EIF4E: variants seen among roughly 807,000 people sequenced by gnomAD.
EIF4E encodes eukaryotic translation initiation factor 4E.
For synonymous variants in EIF4E, 71 were observed against 88.5 expected (o/e 0.80, Z 1.11); for missense variants, 113 against 265.6 (o/e 0.43, Z 3.99).
intron 2 of EIF4E, among the ~76,000 whole-genome samples, chr4:98,899,318 T>C (rs75449767): frequency 0.023 from 3,530 of 152,218 alleles, 120 homozygotes; most frequent in African/African-American, 0.081. Flanking sequence ...ATCATCAATA[T>C]GAAAATATTT....
At chr4:98,915,699 C>G (rs1193771793) in intron 1 of EIF4E, among the ~76,000 whole-genome samples, 2 of 151,690 alleles carry the variant, frequency 1.3e-5, no homozygotes, top group Non-Finnish European at 2.9e-5. Flanking sequence ...CGCCACCATG[C>G]CCAGCTAATT....
chr4:98,918,472 TA>T (rs546491554), intron 1 of EIF4E, among the ~76,000 whole-genome samples: 2,646 of 148,904 alleles, frequency 0.018, 35 homozygotes, highest in Non-Finnish European at 0.028. Context: ...GGAGGAGCAC[TA>T]AAAAAAAAAT....
At position 98,885,078 on chromosome 4, in the gene EIF4E, A is replaced by C. The variant is rs1167567046; in HGVS notation, c.400-17T>G. 1.9e-6 allele frequency: 3 copies of C among 1,607,090 alleles called. No individual in the cohort carries two copies. The highest frequency in any genetic ancestry group is 2.3e-5 in the East Asian group (1 of 44,320). On this transcript the variant is annotated splice_polypyrimidine_tract_variant and intron_variant, in intron 5 of 6. Transcript: ENST00000450253. ...GCACAGAAGCTTAAAAAAAAATCCC[A>C]AATTACATTTAATAGATTATAAACA... is the stretch of plus-strand genomic sequence containing the variant.
intron 2 of EIF4E, among the ~76,000 whole-genome samples, chr4:98,897,989 C>T (rs1394412259): frequency 6.6e-6 from 1 of 152,108 alleles, no homozygotes; most frequent in Non-Finnish European, 1.5e-5. Flanking sequence ...AGATGCAAGA[C>T]ACTGACAGAC....
chr4:98,917,133 C>CACACACACACACACAA, intron 1 of EIF4E, among the ~76,000 whole-genome samples: 1 of 55,244 alleles, frequency 1.8e-5, no homozygotes, highest in South Asian at 4.5e-4. Flanking sequence ...CACACACACA[C>CACACACACACACACAA]AAAAAAAACC....
chr4:98,902,020 T>C, intron 1 of EIF4E, 38 bp from the exon 2 acceptor site: 1 of 1,555,486 alleles, frequency 6.4e-7, no homozygotes, highest in Non-Finnish European at 8.9e-7. Flanking sequence ...TTTAAATGTC[T>C]TAACACATCT....
intron 6 of EIF4E, 63 bp from the exon 7 acceptor site, chr4:98,881,205 A>G: frequency 6.4e-7 from 1 of 1,560,874 alleles, no homozygotes; most frequent in South Asian, 1.2e-5. Flanking sequence ...CAAGAAATAC[A>G]TTTAAAAATT....
At chr4:98,894,238 G>T (rs1404227165) in intron 2 of EIF4E, among the ~76,000 whole-genome samples, 1 of 152,246 alleles carries the variant, frequency 6.6e-6, no homozygotes, top group Non-Finnish European at 1.5e-5. Context: ...TGGCAAATGA[G>T]CACTGGCTTC....
At chr4:98,881,789 C>T (rs1198014381) in intron 6 of EIF4E, among the ~76,000 whole-genome samples, 2 of 152,120 alleles carry the variant, frequency 1.3e-5, no homozygotes, top group Non-Finnish European at 2.9e-5. Context: ...AACTTTACAA[C>T]CTAATTTTCA....
chr4:98,906,328 C>G (rs1295251886), intron 1 of EIF4E, among the ~76,000 whole-genome samples: 3 of 152,296 alleles, frequency 2.0e-5, no homozygotes, highest in East Asian at 1.9e-4. Flanking sequence ...GTATAGTCCA[C>G]AGACTACTAC....
Position 98,885,128 on chromosome 4 carries a change from T to C in EIF4E, c.400-67A>G, listed in dbSNP as rs918996795. 6 of 1,538,784 alleles carry C rather than the reference T, an allele frequency of 3.9e-6. No individual in the cohort carries two copies. The African/African-American group carries it at 6.9e-5, about 18-fold the overall frequency. On this transcript the variant is annotated intron_variant, in intron 5 of 6. Transcript: ENST00000450253. ...AAGCTCATTACACTGCAAATGTCTC[T>C]TCTGTATTTGCATAGAAACTAAAGG... is the stretch of plus-strand genomic sequence containing the variant.
intron 1 of EIF4E, among the ~76,000 whole-genome samples, chr4:98,927,257 A>C (rs1436406941): frequency 6.6e-6 from 1 of 152,260 alleles, no homozygotes; most frequent in African/African-American, 2.4e-5. Context: ...GTAAGCAAGC[A>C]GAGAAGCTGC....
rs1179083091 is a variant in EIF4E at position 98,887,189 on chromosome 4, C to T, written c.289G>A (p.Gly97Ser). ...TCATCTTCCCACATAGGCTCAATAC[C>T]ATCCTACAGGGTTAGAAGACAACAG... ...PGCDYSLFKDGIEPMWEDEKN... is the reference protein window; with the variant it reads ...PGCDYSLFKDSIEPMWEDEKN... The change falls in exon 5 of 7, where the codon GGT becomes AGT. Residue 97 changes from glycine (G) to serine (S), a missense_variant. Coordinates refer to ENST00000450253, the MANE Select transcript of EIF4E (RefSeq NM_001968.5). This position sits in a 1 kb window ranked among gnomAD's most constrained non-coding sequence, Gnocchi z 4.0. The T allele has an allele frequency of 6.2e-7, 1 of 1,613,810 alleles. No homozygotes were observed.
chr4:98,907,473 T>C (rs1724922580), intron 1 of EIF4E, among the ~76,000 whole-genome samples: 1 of 152,110 alleles, frequency 6.6e-6, no homozygotes, highest in Non-Finnish European at 1.5e-5. Flanking sequence ...AGAAAGACAT[T>C]CTATATCAGG....
intron 2 of EIF4E, among the ~76,000 whole-genome samples, chr4:98,899,498 T>G (rs1038687197): frequency 6.6e-6 from 1 of 152,116 alleles, no homozygotes; most frequent in Non-Finnish European, 1.5e-5. Context: ...AACAGAATAA[T>G]GTGGCAGTAT....
chr4:98,902,578 A>G (rs1245417118), intron 1 of EIF4E, among the ~76,000 whole-genome samples: 2 of 152,138 alleles, frequency 1.3e-5, no homozygotes, highest in African/African-American at 2.4e-5. Flanking sequence ...ACTGTCACAG[A>G]CTATGCAACA....
At chr4:98,891,540 T>G (rs914813494) in intron 2 of EIF4E, 2 of 579,870 alleles carry the variant, frequency 3.4e-6, no homozygotes, top group Non-Finnish European at 6.1e-6. Context: ...CTAAGGACAT[T>G]AAGTGAATAA....
intron 2 of EIF4E, among the ~76,000 whole-genome samples, chr4:98,898,117 G>C (rs747396216): frequency 3.3e-5 from 5 of 151,934 alleles, no homozygotes; most frequent in African/African-American, 1.2e-4. Flanking sequence ...TACGAAAAAG[G>C]GGGGGGAAAA....
chr4:98,914,487 G>A (rs886679340), intron 1 of EIF4E, among the ~76,000 whole-genome samples: 2 of 149,024 alleles, frequency 1.3e-5, no homozygotes, highest in African/African-American at 4.9e-5. Context: ...AATAAAATGA[G>A]TTATCAAGCC....
Sources: gnomAD v4.1 joint callset for allele counts (sites outside exome capture counted in the v4.1 genomes callset) on GRCh38, gnomAD v4.1.1 for gene constraint, Gnocchi (gnomAD v3.1) non-coding constraint, MANE v1.5 for transcripts, NCBI Gene and HGNC (gene_info 2026-07-23, HGNC 2026-07-21) for gene names.